The following CNTNAP4 variants were observed in gnomAD, a reference collection of about 807,000 sequenced individuals.
CNTNAP4 encodes contactin associated protein family member 4.
In CNTNAP4, 98 loss-of-function variants were observed where a neutral mutation model predicts 148.4. That is an observed-to-expected ratio of 0.66 (90% confidence interval 0.56 to 0.78). The LOEUF is 0.78. Ranked by LOEUF, CNTNAP4 falls within the 30% of genes least tolerant of loss-of-function variation. CNTNAP4 has a pLI of 0.00. For synonymous variants in CNTNAP4, 730 were observed against 565.1 expected (o/e 1.29, Z -4.14); for missense variants, 1,935 against 1,565.6 (o/e 1.24, Z -3.98).
chr16:76,425,325 G>A (rs368294489), intron 3 of CNTNAP4, among the ~76,000 whole-genome samples: 44 of 152,244 alleles, frequency 2.9e-4, no homozygotes, highest in African/African-American at 8.2e-4. Context: ...TGCTCTGAGA[G>A]GCCCTGTAAT....
intron 1 of CNTNAP4, among the ~76,000 whole-genome samples, chr16:76,283,936 A>G (rs1385329204): frequency 6.6e-6 from 1 of 152,060 alleles, no homozygotes; most frequent in African/African-American, 2.4e-5. Flanking sequence ...AGTAAGAAAA[A>G]TGCATCCAAC....
chr16:76,467,032 T>C (rs1189462702), intron 9 of CNTNAP4, among the ~76,000 whole-genome samples: 3 of 152,320 alleles, frequency 2.0e-5, no homozygotes, highest in Admixed American at 6.5e-5. Context: ...CTGTAAGTTA[T>C]ATATAGTTTA....
intron 15 of CNTNAP4, among the ~76,000 whole-genome samples, chr16:76,503,187 T>C (rs973883475): frequency 2.0e-5 from 3 of 152,168 alleles, no homozygotes; most frequent in Admixed American, 6.5e-5. Context: ...CTGCTTTCCC[T>C]TTAAGTTCAG....
intron 4 of CNTNAP4, among the ~76,000 whole-genome samples, chr16:76,445,962 T>C (rs2080224983): frequency 6.6e-6 from 1 of 152,228 alleles, no homozygotes. Flanking sequence ...ATTTTTCCCA[T>C]GCGCATTCAT....
At position 76,559,390 on chromosome 16, in the gene CNTNAP4, G is replaced by A; in HGVS notation, c.*707G>A. Among the ~76,000 whole-genome samples the A allele has an allele frequency of 6.7e-6, 1 of 149,900 alleles. No individual in the cohort carries two copies. Among genetic ancestry groups the A allele is most frequent in the East Asian group, 1.9e-4 (1 of 5,132 alleles). On this transcript the variant is annotated 3_prime_UTR_variant, in exon 24 of 24. Coordinates refer to ENST00000611870, the MANE Select transcript of CNTNAP4 (RefSeq NM_033401.5). Reference sequence around the variant, plus strand: ...CAGAAAGTGCAGTGGTTGTTAGTATGTAATGTCTTTCCTTTTAAAAAAAGT... The same window carrying A: ...CAGAAAGTGCAGTGGTTGTTAGTATATAATGTCTTTCCTTTTAAAAAAAGT...
At chr16:76,555,933 G>T (rs891120258) in intron 23 of CNTNAP4, among the ~76,000 whole-genome samples, 6 of 152,082 alleles carry the variant, frequency 3.9e-5, no homozygotes, top group Admixed American at 3.9e-4. Context: ...CCTTGTCTGG[G>T]CCACACACAA....
At chr16:76,296,265 TC>T (rs1429638211) in intron 1 of CNTNAP4, among the ~76,000 whole-genome samples, 22 of 152,192 alleles carry the variant, frequency 1.4e-4, no homozygotes, top group African/African-American at 5.1e-4. Context: ...AGGTGATTCT[TC>T]CGCAACACAG....
At chr16:76,364,630 G>A (rs907492697) in intron 3 of CNTNAP4, among the ~76,000 whole-genome samples, 2 of 152,108 alleles carry the variant, frequency 1.3e-5, no homozygotes, top group Non-Finnish European at 2.9e-5. Context: ...TTCCCCAGGA[G>A]GCTACATTTT....
At chr16:76,545,664 C>T (rs2084687433) in intron 21 of CNTNAP4, among the ~76,000 whole-genome samples, 1 of 152,060 alleles carries the variant, frequency 6.6e-6, no homozygotes, top group African/African-American at 2.4e-5. Context: ...ATCTACAAAC[C>T]TTCATACAAT....
intron 15 of CNTNAP4, among the ~76,000 whole-genome samples, chr16:76,516,392 G>T (rs985871417): frequency 6.6e-6 from 1 of 152,156 alleles, no homozygotes; most frequent in Non-Finnish European, 1.5e-5. Context: ...AAATAGTGCT[G>T]CAATAAACAT....
chr16:76,399,166 C>G (rs558934267), intron 3 of CNTNAP4, among the ~76,000 whole-genome samples: 56 of 152,278 alleles, frequency 3.7e-4, no homozygotes, highest in African/African-American at 1.3e-3. Context: ...AACTGCTTTC[C>G]TTTATAAATT....
At chr16:76,408,399 C>CTATT (rs34359616) in intron 3 of CNTNAP4, among the ~76,000 whole-genome samples, 53,883 of 151,468 alleles carry the variant, frequency 0.36, 11,038 homozygotes, top group Non-Finnish European at 0.44. Flanking sequence ...AGTTGTTAAT[C>CTATT]TATTAACAAT....
chr16:76,529,821 A>C (rs2144189944), intron 17 of CNTNAP4, among the ~76,000 whole-genome samples: 1 of 149,928 alleles, frequency 6.7e-6, no homozygotes, highest in African/African-American at 2.5e-5. Flanking sequence ...TGAAGCTCTG[A>C]GACTGTAGTG....
At chr16:76,521,962 T>G in intron 16 of CNTNAP4, 77 bp from the exon 17 acceptor site, 2 of 1,256,518 alleles carry the variant, frequency 1.6e-6, no homozygotes, top group Admixed American at 3.4e-5. Flanking sequence ...CGCTGTAGTG[T>G]GTTCCTAAGT....
rs111774330 is a variant in CNTNAP4 at position 76,407,310 on chromosome 16, G to T, written c.391-20142G>T. Among the ~76,000 whole-genome samples, 411 of 152,200 alleles carry T rather than the reference G, an allele frequency of 2.7e-3. 2 individuals carry two copies. The highest frequency in any genetic ancestry group is 9.1e-3 in the African/African-American group (377 of 41,536). On this transcript the variant is annotated intron_variant, in intron 3 of 23. Coordinates refer to ENST00000611870, the MANE Select transcript of CNTNAP4 (RefSeq NM_033401.5). Reference sequence around the variant, plus strand: ...GCTGGGATTACAGGCAAGAGCCACTGTGTCTAGCCCTTGTTTTTGAAGAAA... The same window carrying T: ...GCTGGGATTACAGGCAAGAGCCACTTTGTCTAGCCCTTGTTTTTGAAGAAA...
intron 2 of CNTNAP4, among the ~76,000 whole-genome samples, chr16:76,342,465 CT>C (rs397854943): frequency 0.21 from 19,066 of 92,180 alleles, 1,694 homozygotes; most frequent in East Asian, 0.55. Flanking sequence ...TTGCTAATTT[CT>C]TTTTTTTTTT....
At chr16:76,482,013 T>A (rs1020380059) in intron 12 of CNTNAP4, among the ~76,000 whole-genome samples, 16 of 151,512 alleles carry the variant, frequency 1.1e-4, no homozygotes, top group South Asian at 2.1e-4. Flanking sequence ...TTTTTTATTT[T>A]TTTTTTTAAT....
At chr16:76,321,216 A>G (rs1037580673) in intron 2 of CNTNAP4, among the ~76,000 whole-genome samples, 3 of 152,242 alleles carry the variant, frequency 2.0e-5, no homozygotes, top group African/African-American at 4.8e-5. Flanking sequence ...ACTTATCTGT[A>G]GAGGAATTAG....
chr16:76,483,231 A>AACTTCACACACACACACAC (rs1167634774), intron 12 of CNTNAP4, among the ~76,000 whole-genome samples: 1 of 140,014 alleles, frequency 7.1e-6, no homozygotes, highest in African/African-American at 2.6e-5. Context: ...AGTTTTAAGA[A>AACTTCACACACACACACAC]ACACACACAC....
Sources: gnomAD v4.1 joint callset for allele counts (sites outside exome capture counted in the v4.1 genomes callset) on GRCh38, gnomAD v4.1.1 for gene constraint, MANE v1.5 for transcripts, NCBI Gene and HGNC (gene_info 2026-07-23, HGNC 2026-07-21) for gene names.